Variants in CNTNAP2 observed in about 807,000 individuals in gnomAD.
The protein encoded by CNTNAP2 is contactin-associated protein-like 2.
Under a neutral mutation model 155.2 loss-of-function variants are expected in CNTNAP2, and 98 were observed. The observed-to-expected ratio is 0.63, with a 90% confidence interval of 0.54 to 0.75. The LOEUF is 0.75. CNTNAP2 is among the 30% of genes least tolerant of loss of function. The probability of loss-of-function intolerance (pLI) is 0.00; values close to 1 mark genes in which losing one functional copy is unlikely to be tolerated. For synonymous variants in CNTNAP2, 651 were observed against 631.2 expected (o/e 1.03, Z -0.47); for missense variants, 1,727 against 1,688.1 (o/e 1.02, Z -0.40).
At chr7:146,744,425 T>C (rs1244857416) in intron 1 of CNTNAP2, among the ~76,000 whole-genome samples, 1 of 152,108 alleles carries the variant, frequency 6.6e-6, no homozygotes, top group African/African-American at 2.4e-5. Flanking sequence ...TTAAAATTGG[T>C]AGAAAGATCT....
At chr7:147,175,286 C>T (rs1338260197) in intron 8 of CNTNAP2, among the ~76,000 whole-genome samples, 3 of 151,584 alleles carry the variant, frequency 2.0e-5, no homozygotes, top group Non-Finnish European at 2.9e-5. Context: ...CCTATATTCC[C>T]TCCTATCCTT....
rs927434916 is a variant in CNTNAP2, at chr7:147,343,542, T to G, written c.1498+43252T>G. Among the ~76,000 whole-genome samples the G allele has an allele frequency of 2.0e-5, 3 of 152,318 alleles. No individual in the cohort carries two copies. The South Asian group carries it at 6.2e-4, about 32-fold the overall frequency. ...ACTAGAGAAAGCCTTTATTTACTTT[T>G]ATTTTCCAGCATTCATTTTGTTGCT... On this transcript the variant is annotated intron_variant, in intron 9 of 23. Coordinates refer to ENST00000361727, the MANE Select transcript of CNTNAP2 (RefSeq NM_014141.6).
intron 1 of CNTNAP2, among the ~76,000 whole-genome samples, chr7:146,181,103 A>T (rs1185263194): frequency 1.3e-5 from 2 of 152,170 alleles, no homozygotes; most frequent in Non-Finnish European, 2.9e-5. Context: ...TTGCATTTGA[A>T]TGCATATGCT....
At chr7:146,890,779 A>G (rs1270059750) in intron 3 of CNTNAP2, among the ~76,000 whole-genome samples, 2 of 152,192 alleles carry the variant, frequency 1.3e-5, no homozygotes, top group Non-Finnish European at 2.9e-5. Context: ...AACATGAGTG[A>G]ACCAGTTTAA....
intron 1 of CNTNAP2, among the ~76,000 whole-genome samples, chr7:146,160,633 C>T (rs898016251): frequency 6.6e-6 from 1 of 151,970 alleles, no homozygotes; most frequent in Non-Finnish European, 1.5e-5. Context: ...ACACATATAC[C>T]CTCCCAAGAC....
chr7:147,099,360 G>A lies in CNTNAP2; in HGVS notation c.551-8787G>A, dbSNP rs573922464. ...GACCAGTCCCTCTAGGGTCAGCAAG[G>A]CCCCAGATGTCAAAGCATTGGAGCA... On this transcript the variant is annotated intron_variant, in intron 4 of 23. Coordinates refer to ENST00000361727, the MANE Select transcript of CNTNAP2 (RefSeq NM_014141.6). 7.9e-5 allele frequency among the ~76,000 whole-genome samples: 12 copies of A among 152,142 alleles called. No homozygotes were observed. In the East Asian group the frequency reaches 2.1e-3, roughly 27 times the overall value.
chr7:146,410,569 G>T (rs1795851796), intron 1 of CNTNAP2, among the ~76,000 whole-genome samples: 1 of 152,084 alleles, frequency 6.6e-6, no homozygotes, highest in South Asian at 2.1e-4. Context: ...TGTGTCATGG[G>T]AGTTTGTTGT....
At chr7:146,637,597 A>G (rs1799621004) in intron 1 of CNTNAP2, among the ~76,000 whole-genome samples, 4 of 152,186 alleles carry the variant, frequency 2.6e-5, no homozygotes, top group Admixed American at 2.0e-4. Flanking sequence ...TTATATAATC[A>G]CTATTAGCAA....
chr7:147,098,686 T>G (rs1185040455), intron 4 of CNTNAP2, among the ~76,000 whole-genome samples: 2 of 152,182 alleles, frequency 1.3e-5, no homozygotes, highest in African/African-American at 4.8e-5. Flanking sequence ...AAAATAATTT[T>G]CTGTACTGAG....
intron 1 of CNTNAP2, among the ~76,000 whole-genome samples, chr7:146,594,884 T>C (rs1798835965): frequency 6.6e-6 from 1 of 152,120 alleles, no homozygotes; most frequent in Admixed American, 6.6e-5. Context: ...ACACCCACCA[T>C]GACAGATGCC....
intron 10 of CNTNAP2, among the ~76,000 whole-genome samples, chr7:147,407,290 A>G (rs1797020996): frequency 6.6e-6 from 1 of 151,914 alleles, no homozygotes; most frequent in African/African-American, 2.4e-5. Flanking sequence ...AACATGGTGA[A>G]ACCCCGTCTC....
rs57455738 is a variant in CNTNAP2, at chr7:147,546,270, T to C, written c.1778-15868T>C. Among the ~76,000 whole-genome samples, 981 of 152,264 alleles carry C rather than the reference T, an allele frequency of 6.4e-3. 13 individuals carry two copies. The highest frequency in any genetic ancestry group is 0.022 in the African/African-American group (922 of 41,544). On this transcript the variant is annotated intron_variant, in intron 11 of 23. Transcript: ENST00000361727. ...TGTAAAATTCTGTCAATGTGTGCAA[T>C]TGCATATTTATGTACACATTATCAT...
intron 1 of CNTNAP2, among the ~76,000 whole-genome samples, chr7:146,700,795 C>T (rs1244257635): frequency 2.0e-5 from 3 of 152,066 alleles, no homozygotes; most frequent in African/African-American, 7.2e-5. Flanking sequence ...AATGTGCATC[C>T]ACAAATCCAA....
chr7:146,622,125 A>ATG (rs1200593362), intron 1 of CNTNAP2, among the ~76,000 whole-genome samples: 1 of 86,510 alleles, frequency 1.2e-5, no homozygotes, highest in Non-Finnish European at 2.4e-5. Context: ...ACTGTTATGT[A>ATG]TGTGTATATA....
At chr7:148,370,297 T>C (rs1311647911) in intron 21 of CNTNAP2, among the ~76,000 whole-genome samples, 1 of 152,176 alleles carries the variant, frequency 6.6e-6, no homozygotes, top group Non-Finnish European at 1.5e-5. Flanking sequence ...ACCTGACGTC[T>C]CAGTGGCTGG....
chr7:147,733,292 C>T (rs2116470713), intron 13 of CNTNAP2, among the ~76,000 whole-genome samples: 1 of 152,272 alleles, frequency 6.6e-6, no homozygotes, highest in Admixed American at 6.5e-5. Flanking sequence ...TTCCCCATTT[C>T]TTGTTTTTGT....
chr7:147,372,761 C>G (rs1340477331), intron 9 of CNTNAP2, among the ~76,000 whole-genome samples: 1 of 151,976 alleles, frequency 6.6e-6, no homozygotes, highest in Non-Finnish European at 1.5e-5. Context: ...AGTGAGAGAG[C>G]CTGAACCACA....
intron 2 of CNTNAP2, among the ~76,000 whole-genome samples, chr7:146,808,039 A>G (rs1352974904): frequency 6.6e-6 from 1 of 152,186 alleles, no homozygotes; most frequent in Non-Finnish European, 1.5e-5. Flanking sequence ...AAAATTATTG[A>G]TAGGATGTTT....
At chr7:146,312,931 T>C (rs1800850298) in intron 1 of CNTNAP2, among the ~76,000 whole-genome samples, 1 of 152,222 alleles carries the variant, frequency 6.6e-6, no homozygotes, top group Non-Finnish European at 1.5e-5. Flanking sequence ...AGTGTATATA[T>C]ACTGCATTTT....
Sources: allele counts gnomAD v4.1 joint callset (sites outside exome capture counted in the v4.1 genomes callset), GRCh38; gene constraint gnomAD v4.1.1; transcripts MANE v1.5; gene names NCBI Gene and HGNC (gene_info 2026-07-23, HGNC 2026-07-21).